SEMA5A: variants seen among roughly 807,000 people sequenced by gnomAD.
SEMA5A encodes the protein semaphorin-5A.
Under a neutral mutation model 135.5 loss-of-function variants are expected in SEMA5A, and 55 were observed. That is an observed-to-expected ratio of 0.41 (90% CI 0.33 to 0.51). SEMA5A has a LOEUF of 0.51. Ranked by LOEUF, SEMA5A falls within the 20% of genes least tolerant of loss-of-function variation. The pLI, the probability that SEMA5A is intolerant of heterozygous loss-of-function variation, is 0.37. For synonymous variants in SEMA5A, 580 were observed against 546.5 expected (o/e 1.06, Z -0.85); for missense variants, 1,290 against 1,419.9 (o/e 0.91, Z 1.47).
intron 1 of SEMA5A, among the ~76,000 whole-genome samples, chr5:9,494,456 T>C (rs1049768077): frequency 1.3e-5 from 2 of 152,162 alleles, no homozygotes; most frequent in African/African-American, 2.4e-5. Flanking sequence ...AGGACACATA[T>C]TGATAATTAT....
At chr5:9,102,523 G>A (rs1042652450) in intron 16 of SEMA5A, among the ~76,000 whole-genome samples, 5 of 152,076 alleles carry the variant, frequency 3.3e-5, no homozygotes, top group Non-Finnish European at 7.4e-5. Context: ...AGTCTTACAA[G>A]AGCATTCACA....
chr5:9,287,465 T>C (rs1450783811), intron 5 of SEMA5A, among the ~76,000 whole-genome samples: 2 of 152,208 alleles, frequency 1.3e-5, no homozygotes, highest in African/African-American at 2.4e-5. Context: ...AACTTTTCCC[T>C]AAATATGATT....
intron 11 of SEMA5A, among the ~76,000 whole-genome samples, chr5:9,169,467 A>T (rs1341096549): frequency 6.6e-6 from 1 of 152,210 alleles, no homozygotes; most frequent in African/African-American, 2.4e-5. Flanking sequence ...TAGCCACGGC[A>T]TGTAAACGTG....
At chr5:9,332,549 A>G (rs1328904178) in intron 4 of SEMA5A, among the ~76,000 whole-genome samples, 1 of 151,438 alleles carries the variant, frequency 6.6e-6, no homozygotes, top group Non-Finnish European at 1.5e-5. Context: ...CAGGTGTGCA[A>G]GGCATGCAGC....
intron 16 of SEMA5A, among the ~76,000 whole-genome samples, chr5:9,083,908 A>G (rs952634208): frequency 2.0e-5 from 3 of 152,210 alleles, no homozygotes; most frequent in Non-Finnish European, 4.4e-5. Context: ...CTTGTTTCAT[A>G]TACAGGTGCC....
chr5:9,263,077 A>G (rs1167340022), intron 5 of SEMA5A, among the ~76,000 whole-genome samples: 1 of 151,704 alleles, frequency 6.6e-6, no homozygotes, highest in African/African-American at 2.4e-5. Context: ...CTGCCAACAA[A>G]AAATCGGTTC....
chr5:9,363,378 T>A (rs1213659741), intron 3 of SEMA5A: 1 of 152,244 alleles, frequency 6.6e-6, no homozygotes, highest in Non-Finnish European at 1.5e-5. Context: ...ATACTGGATC[T>A]ACACTTAAAA....
chr5:9,126,758 A>AG (rs1741136871), intron 13 of SEMA5A, among the ~76,000 whole-genome samples: 2 of 152,172 alleles, frequency 1.3e-5, no homozygotes, highest in South Asian at 2.1e-4. Flanking sequence ...AGTTCCTGAG[A>AG]GGGGGTCTCG....
At chr5:9,237,556 C>A (rs1374769848) in intron 6 of SEMA5A, among the ~76,000 whole-genome samples, 4 of 152,070 alleles carry the variant, frequency 2.6e-5, no homozygotes, top group Non-Finnish European at 4.4e-5. Context: ...CGCTATCAAT[C>A]AATTAATTTC....
intron 4 of SEMA5A, among the ~76,000 whole-genome samples, chr5:9,333,211 T>C (rs1753235083): frequency 6.6e-6 from 1 of 152,190 alleles, no homozygotes; most frequent in African/African-American, 2.4e-5. Flanking sequence ...AGCACCTAAA[T>C]AGCCAGAAAG....
At chr5:9,135,346 A>G (rs1213774502) in intron 13 of SEMA5A, among the ~76,000 whole-genome samples, 1 of 151,552 alleles carries the variant, frequency 6.6e-6, no homozygotes, top group Non-Finnish European at 1.5e-5. Flanking sequence ...ACGCCTGGCT[A>G]ATTTTTTGTA....
intron 5 of SEMA5A, among the ~76,000 whole-genome samples, chr5:9,285,609 C>T (rs1488080669): frequency 6.6e-6 from 1 of 152,248 alleles, no homozygotes; most frequent in Non-Finnish European, 1.5e-5. Flanking sequence ...TAAACACCAG[C>T]TCACAAGTTC....
intron 5 of SEMA5A, among the ~76,000 whole-genome samples, chr5:9,305,053 C>G (rs1751794432): frequency 6.6e-6 from 1 of 152,132 alleles, no homozygotes. Context: ...ACTGGTGGCT[C>G]CCAAGGCCCG....
chr5:9,117,423 T>C (rs529915764), intron 15 of SEMA5A, among the ~76,000 whole-genome samples: 1 of 152,218 alleles, frequency 6.6e-6, no homozygotes, highest in East Asian at 1.9e-4. Flanking sequence ...GTTTTGGATT[T>C]CACATTGTTT....
At chr5:9,053,658 T>TG (rs748146365) in intron 19 of SEMA5A, among the ~76,000 whole-genome samples, 4 of 152,062 alleles carry the variant, frequency 2.6e-5, no homozygotes, top group African/African-American at 4.8e-5. Flanking sequence ...CCAGACTCCA[T>TG]GGGGGGCACT....
intron 5 of SEMA5A, among the ~76,000 whole-genome samples, chr5:9,286,602 A>G (rs917880620): frequency 2.0e-5 from 3 of 152,160 alleles, no homozygotes; most frequent in African/African-American, 7.2e-5. Context: ...CTGACTGACC[A>G]GGGCTGGACA....
intron 1 of SEMA5A, among the ~76,000 whole-genome samples, chr5:9,499,492 G>A (rs1053266394): frequency 6.6e-6 from 1 of 152,146 alleles, no homozygotes; most frequent in Non-Finnish European, 1.5e-5. Flanking sequence ...CTAGTTATTT[G>A]CATGTTTGTC....
At chr5:9,071,800 T>C (rs1344410989) in intron 16 of SEMA5A, among the ~76,000 whole-genome samples, 2 of 152,222 alleles carry the variant, frequency 1.3e-5, no homozygotes, top group African/African-American at 4.8e-5. Context: ...ACTTATGGTT[T>C]CCATATGCAT....
rs529388101 is a variant in SEMA5A, at chr5:9,082,425, A to G, written c.2074-15779T>C. Among the ~76,000 whole-genome samples, 125 of 152,272 alleles carry G rather than the reference A, an allele frequency of 8.2e-4. No individual in the cohort carries two copies. In the Middle Eastern group the frequency reaches 0.014, roughly 17 times the overall value. ...AAGAGTTGATTCTTCATTAGGGTTG[A>G]TGTCTTGAAAACAATTTTCTTCTCT... is the stretch of plus-strand genomic sequence containing the variant. On this transcript the variant is annotated intron_variant, in intron 16 of 22. Coordinates refer to ENST00000382496, the MANE Select transcript of SEMA5A (RefSeq NM_003966.3).
Sources: allele counts gnomAD v4.1 joint callset (sites outside exome capture counted in the v4.1 genomes callset), GRCh38; gene constraint gnomAD v4.1.1; transcripts MANE v1.5; gene names NCBI Gene and HGNC (gene_info 2026-07-23, HGNC 2026-07-21).